PPP2R5A: variants seen among roughly 807,000 people sequenced by gnomAD.
The protein encoded by PPP2R5A is protein phosphatase 2 regulatory subunit B'alpha, also known as serine/threonine-protein phosphatase 2A 56 kDa regulatory subunit alpha isoform.
Under a neutral mutation model 64.2 loss-of-function variants are expected in PPP2R5A, and 25 were observed. That is an observed-to-expected ratio of 0.39 (90% CI 0.28 to 0.54). The LOEUF is 0.54. PPP2R5A is among the 20% of genes least tolerant of loss of function. The probability of loss-of-function intolerance (pLI) is 0.67; values close to 1 mark genes in which losing one functional copy is unlikely to be tolerated. For missense variants in PPP2R5A, 425 were observed against 576.3 expected (o/e 0.74, Z 2.69); for synonymous variants, 198 against 201.2 (o/e 0.98, Z 0.13).
intron 1 of PPP2R5A, among the ~76,000 whole-genome samples, chr1:212,300,596 G>A (rs148043382): frequency 2.0e-3 from 306 of 152,214 alleles, no homozygotes; most frequent in Admixed American, 3.3e-3. Context: ...CCATGAGTGG[G>A]ATCATACTGT....
intron 1 of PPP2R5A, among the ~76,000 whole-genome samples, chr1:212,321,744 T>G: frequency 2.4e-5 from 3 of 123,420 alleles, no homozygotes; most frequent in East Asian, 2.6e-4. Flanking sequence ...TCCCAGACGA[T>G]GGGCGGCCAG....
At chr1:212,346,673 A>T (rs1659782116) in intron 5 of PPP2R5A, among the ~76,000 whole-genome samples, 1 of 152,188 alleles carries the variant, frequency 6.6e-6, no homozygotes, top group Non-Finnish European at 1.5e-5. Flanking sequence ...TTAATCTGTT[A>T]AGTAGTTGCT....
At chr1:212,303,781 C>G (rs1403409883) in intron 1 of PPP2R5A, among the ~76,000 whole-genome samples, 2 of 152,160 alleles carry the variant, frequency 1.3e-5, no homozygotes, top group Non-Finnish European at 2.9e-5. Context: ...CTCCACACCA[C>G]TTGTTGAAAA....
At chr1:212,351,588 C>T (rs1054735599) in intron 8 of PPP2R5A, among the ~76,000 whole-genome samples, 1 of 152,082 alleles carries the variant, frequency 6.6e-6, no homozygotes, top group Non-Finnish European at 1.5e-5. Flanking sequence ...ATGGCGGGCA[C>T]CTGTAATCCC....
intron 1 of PPP2R5A, among the ~76,000 whole-genome samples, chr1:212,328,198 T>C (rs1305346615): frequency 6.6e-6 from 1 of 152,168 alleles, no homozygotes; most frequent in Non-Finnish European, 1.5e-5. Context: ...AACAGAGATA[T>C]GCACCTAAAA....
intron 1 of PPP2R5A, chr1:212,302,194 C>G (rs1658810097): frequency 9.4e-6 from 10 of 1,061,886 alleles, no homozygotes; most frequent in Non-Finnish European, 1.4e-5. Context: ...TGAAACAGTA[C>G]AAGCAAAACC....
intron 1 of PPP2R5A, among the ~76,000 whole-genome samples, chr1:212,288,874 C>CAT (rs397756532): frequency 3.3e-5 from 5 of 151,886 alleles, no homozygotes; most frequent in African/African-American, 1.2e-4. Flanking sequence ...GCTTATGTTA[C>CAT]TTTGACCACA....
Position 212,329,121 on chromosome 1 carries a change from A to C in PPP2R5A, c.182-14A>C, listed in dbSNP as rs1457976738. On this transcript the variant is annotated splice_polypyrimidine_tract_variant and intron_variant, in intron 1 of 12. Transcript: ENST00000261461. ...GTAGGTTATTTCTAAGTTTTTCTTT[A>C]TTTTTATTTATAGATGCCACTTCAA... 1 of 1,464,548 alleles carries C rather than the reference A, an allele frequency of 6.8e-7. No homozygotes were observed. The highest frequency in any genetic ancestry group is 1.4e-5 in the African/African-American group (1 of 69,570). 90.7% of individuals were successfully genotyped at this position (1,464,548 alleles called of 1,614,324 possible). A position where few individuals can be genotyped will look rare whatever the true frequency, so the allele number is the denominator to read the frequency against.
chr1:212,320,926 G>T (rs1571591000), intron 1 of PPP2R5A, among the ~76,000 whole-genome samples: 2 of 112,404 alleles, frequency 1.8e-5, no homozygotes, highest in Admixed American at 8.1e-5. Context: ...GGGGCGGCTG[G>T]CCGGGCGGGG....
intron 1 of PPP2R5A, among the ~76,000 whole-genome samples, chr1:212,310,494 C>T (rs1474750853): frequency 6.6e-6 from 1 of 152,142 alleles, no homozygotes; most frequent in Admixed American, 6.5e-5. Flanking sequence ...TGTTTTATGG[C>T]CTACTTCTCC....
At chr1:212,349,050 TCA>T (rs1659831676) in intron 7 of PPP2R5A, 137 bp from the exon 8 acceptor site, 4 of 465,078 alleles carry the variant, frequency 8.6e-6, no homozygotes, top group Non-Finnish European at 1.4e-5. Context: ...ACAATTTCAT[TCA>T]CAGTTGTGAG....
At chr1:212,321,431 C>T (rs553933364) in intron 1 of PPP2R5A, among the ~76,000 whole-genome samples, 9 of 151,490 alleles carry the variant, frequency 5.9e-5, no homozygotes, top group East Asian at 2.0e-4. Context: ...ACTTCCCAGA[C>T]GGAGTGGCTG....
At chr1:212,288,622 A>T (rs1368720792) in intron 1 of PPP2R5A, among the ~76,000 whole-genome samples, 1 of 149,740 alleles carries the variant, frequency 6.7e-6, no homozygotes, top group East Asian at 1.9e-4. Flanking sequence ...CAAGTGATTT[A>T]AAAAAAAAAC....
chr1:212,324,401 T>C (rs1271782270), intron 1 of PPP2R5A, among the ~76,000 whole-genome samples: 2 of 152,238 alleles, frequency 1.3e-5, no homozygotes. Flanking sequence ...ATGTGGCGCA[T>C]GACTGTATTT....
At chr1:212,309,599 T>C in intron 1 of PPP2R5A, 1 of 638,498 alleles carries the variant, frequency 1.6e-6, no homozygotes, top group Non-Finnish European at 2.8e-6. Flanking sequence ...AAGTCATATA[T>C]TCTGTTAAAT....
rs1401985426 is a variant in PPP2R5A, at chr1:212,358,749, C to T, written c.1290C>T (p.Phe430=). ...TAATGGAAATGAATGGCAAGCTTTT[C>T]GATGACCTTACTAGCTCATACAAAG... ...KTLMEMNGKL[F]DDLTSSYKAE... Residue 430 remains phenylalanine, a synonymous_variant, in exon 12 of 13, where the codon TTC becomes TTT. Transcript: ENST00000261461. The T allele has an allele frequency of 5.0e-6, 8 of 1,613,386 alleles. No homozygotes were observed. Among genetic ancestry groups the T allele is most frequent in the East Asian group, 2.2e-5 (1 of 44,810 alleles).
chr1:212,322,755 T>TTTTTTTTA (rs1553275151), intron 1 of PPP2R5A, among the ~76,000 whole-genome samples: 11 of 147,100 alleles, frequency 7.5e-5, no homozygotes, highest in East Asian at 4.0e-4. Flanking sequence ...TTAATTCTCA[T>TTTTTTTTA]TTTATTTATT....
In PPP2R5A at chr1:212,360,756, A is replaced by G. The variant is rs753828171; in HGVS notation, c.1447A>G (p.Thr483Ala). Residue 483 changes from threonine (T) to alanine (A), a missense_variant, in exon 13 of 13, where the codon ACA (threonine) becomes GCA (alanine). Physicochemically the swap from Thr to Ala is moderately conservative, Grantham distance 58 (BLOSUM62 0). This residue lies in a region of PPP2R5A where 177 missense variants were observed against 244.8 expected (regional missense o/e 0.72). Transcript: ENST00000261461. ...CAACATGCACAGTATTCTCAGCAAT[A>G]CAAGTGCCGAATAAAAAAAAAGCCT... ...AYNMHSILSN[T>A]SAE The G allele has an allele frequency of 6.5e-7, 1 of 1,528,726 alleles. No homozygotes were observed. The highest frequency in any genetic ancestry group is 2.4e-5 in the Admixed American group (1 of 41,652). The allele number at this position is 1,528,726 out of a possible 1,614,324, so 94.7% of individuals were successfully genotyped here. A position where few individuals can be genotyped will look rare whatever the true frequency, so the allele number is the denominator to read the frequency against.
intron 8 of PPP2R5A, chr1:212,352,922 G>T (rs1354656692): frequency 1.9e-6 from 1 of 518,864 alleles, no homozygotes; most frequent in Non-Finnish European, 3.8e-6. Context: ...TGCTGTAACT[G>T]ATCTGCAAGA....
Sources: allele counts gnomAD v4.1 joint callset (sites outside exome capture counted in the v4.1 genomes callset), GRCh38; gene constraint gnomAD v4.1.1; regional missense constraint gnomAD v4.1.1; transcripts MANE v1.5; gene names NCBI Gene and HGNC (gene_info 2026-07-23, HGNC 2026-07-21).